The following TMEM273 variants were observed in gnomAD, a reference collection of about 807,000 sequenced individuals.
The protein encoded by TMEM273 is transmembrane protein 273.
TMEM273 carries 19 observed loss-of-function variants against 17.9 expected under a neutral mutation model. The observed-to-expected ratio is 1.06, with a 90% CI of 0.74 to 1.55. The LOEUF is 1.55. TMEM273 is among the 40% of genes most tolerant of loss of function. The probability of loss-of-function intolerance (pLI) is 0.00; values close to 1 mark genes in which losing one functional copy is unlikely to be tolerated. For synonymous variants in TMEM273, 66 were observed against 62.0 expected (o/e 1.07, Z -0.31); for missense variants, 194 against 155.6 (o/e 1.25, Z -1.31).
At position 49,165,786 on chromosome 10, in the gene TMEM273, C is replaced by T. The variant is rs202171289; in HGVS notation, c.249G>A (p.Pro83=). 5.8e-5 allele frequency: 94 copies of T among 1,614,102 alleles called. No individual in the cohort carries two copies. Among genetic ancestry groups the T allele is most frequent in the East Asian group, 1.8e-4 (8 of 44,870 alleles). The change falls in exon 4 of 7, where the codon CCG becomes CCA. Residue 83 remains proline, a synonymous_variant. Coordinates refer to ENST00000374153, the MANE Select transcript of TMEM273 (RefSeq NM_001288740.3). ...STPGGLSDTI[P]LKKRAPRKLQ... is the part of the protein sequence containing the mutation. Reference sequence around the variant, plus strand: ...CTTACCTTGGGGCTCTCTTCTTTAGCGGGATGGTGTCTAAACAGAGAAAGC... The same window carrying T: ...CTTACCTTGGGGCTCTCTTCTTTAGTGGGATGGTGTCTAAACAGAGAAAGC...
chr10:49,184,112 G>A (rs978068313), intron 1 of TMEM273, among the ~76,000 whole-genome samples: 6 of 152,138 alleles, frequency 3.9e-5, no homozygotes. Flanking sequence ...TCATTACACA[G>A]GTGATATTGC....
rs186470372 is a variant in TMEM273 at position 49,157,753 on chromosome 10, T to C, written c.373-1844A>G. Among the ~76,000 whole-genome samples, 214 of 152,340 alleles carry C rather than the reference T, an allele frequency of 1.4e-3. 1 individual carries two copies. The highest frequency in any genetic ancestry group is 4.6e-3 in the African/African-American group (193 of 41,572). On this transcript the variant is annotated intron_variant, in intron 6 of 6. Transcript: ENST00000374153. ...CATGTTACTTGATGGACACCACTAG[T>C]GGATTTCCCATCAAAGTCTGGCAGA...
chr10:49,165,511 G>A, intron 4 of TMEM273: 1 of 1,413,242 alleles, frequency 7.1e-7, no homozygotes. Context: ...GGGTGGAACA[G>A]GATCTAATCC....
Position 49,162,550 on chromosome 10 carries a change from C to T in TMEM273, c.349-928G>A, listed in dbSNP as rs185019561. Among the ~76,000 whole-genome samples, 4 of 152,306 alleles carry T rather than the reference C, an allele frequency of 2.6e-5. No homozygotes were observed. The East Asian group carries it at 5.8e-4, about 22-fold the overall frequency. On this transcript the variant is annotated intron_variant, in intron 5 of 6. Transcript: ENST00000374153. ...CCAGGAATTCAGATGGTCAAGGTAG[C>T]GTCCCTGTGCTGGGGGGAGCTCTAG...
At position 49,165,100 on chromosome 10, in the gene TMEM273, C is replaced by T. The variant is rs193182735; in HGVS notation, c.348+105G>A. 5.7e-4 allele frequency: 805 copies of T among 1,412,396 alleles called. 1 individual carries two copies. The highest frequency in any genetic ancestry group is 7.2e-4 in the Non-Finnish European group (774 of 1,078,612). 87.5% of individuals were successfully genotyped at this position (1,412,396 alleles called of 1,614,324 possible). On this transcript the variant is annotated intron_variant, in intron 5 of 6. Coordinates refer to ENST00000374153, the MANE Select transcript of TMEM273 (RefSeq NM_001288740.3). ...TAGAAAAAAACCCATGCAAAATAGACAAATCAATATATCGTATAGCATCAA... is the reference window on the plus strand; with the variant it reads ...TAGAAAAAAACCCATGCAAAATAGATAAATCAATATATCGTATAGCATCAA...
At chr10:49,177,613 T>C (rs554739841) in intron 1 of TMEM273, among the ~76,000 whole-genome samples, 55 of 152,308 alleles carry the variant, frequency 3.6e-4, no homozygotes, top group Middle Eastern at 3.4e-3. Flanking sequence ...AGTCACTGGC[T>C]CCGAGGAAGA....
chr10:49,155,877 C>G lies in TMEM273; in HGVS notation c.*15G>C. 1.2e-6 allele frequency: 2 copies of G among 1,614,222 alleles called. No homozygotes were observed. Among genetic ancestry groups the G allele is most frequent in the Non-Finnish European group, 8.5e-7 (1 of 1,180,044 alleles). On this transcript the variant is annotated 3_prime_UTR_variant, in exon 7 of 7. Coordinates refer to ENST00000374153, the MANE Select transcript of TMEM273 (RefSeq NM_001288740.3). Reference sequence around the variant, plus strand: ...GGGGCTAGAACCCCTCTTCACGTCACTGCTCACCTACAGCTCAATCACCTG... The same window carrying G: ...GGGGCTAGAACCCCTCTTCACGTCAGTGCTCACCTACAGCTCAATCACCTG...
At chr10:49,173,821 G>C (rs1042857741) in intron 1 of TMEM273, among the ~76,000 whole-genome samples, 10 of 152,184 alleles carry the variant, frequency 6.6e-5, no homozygotes, top group South Asian at 4.1e-4. Flanking sequence ...TGAGTGGTAC[G>C]GAGCTCAGGA....
rs149883330 is a variant in TMEM273 at position 49,178,964 on chromosome 10, G to A, written c.43+9330C>T. Among the ~76,000 whole-genome samples the A allele has an allele frequency of 7.4e-3, 1,122 of 152,264 alleles. 21 individuals are homozygous for A. In the South Asian group the frequency reaches 0.09, roughly 12 times the overall value. On this transcript the variant is annotated intron_variant, in intron 1 of 6. Coordinates refer to ENST00000374153, the MANE Select transcript of TMEM273 (RefSeq NM_001288740.3). ...TCCAGCTCCAGGTCCTTCACCTCTT[G>A]CCCTGAATAGTGACTTCTCGATAAC...
chr10:49,161,659 C>T (rs1422480171), intron 5 of TMEM273, 37 bp from the exon 6 acceptor site: 5 of 1,613,860 alleles, frequency 3.1e-6, no homozygotes, highest in Middle Eastern at 1.6e-4. Context: ...ATTGCCTAAG[C>T]CTTAGAAGCC....
At chr10:49,185,163 T>C (rs530761059) in intron 1 of TMEM273, among the ~76,000 whole-genome samples, 3 of 152,304 alleles carry the variant, frequency 2.0e-5, no homozygotes, top group African/African-American at 7.2e-5. Flanking sequence ...CCTTTAAATA[T>C]ATATCTAGAA....
intron 6 of TMEM273, chr10:49,161,224 A>G (rs115751765): frequency 0.017 from 4,444 of 254,420 alleles, 187 homozygotes; most frequent in African/African-American, 0.092. Flanking sequence ...TGATAGCATG[A>G]TGACATGAAG....
chr10:49,160,302 A>C (rs1356904942), intron 6 of TMEM273: 1 of 152,240 alleles, frequency 6.6e-6, no homozygotes, highest in Non-Finnish European at 1.5e-5. Flanking sequence ...AGCATCACCA[A>C]CAGTGATGCA....
At chr10:49,169,716 T>A (rs1254876642) in intron 1 of TMEM273, among the ~76,000 whole-genome samples, 1 of 152,224 alleles carries the variant, frequency 6.6e-6, no homozygotes, top group Non-Finnish European at 1.5e-5. Context: ...TCTTATTGTT[T>A]TTTTTAAGTC....
chr10:49,177,911 C>T (rs899723496), intron 1 of TMEM273, among the ~76,000 whole-genome samples: 1 of 152,200 alleles, frequency 6.6e-6, no homozygotes, highest in Non-Finnish European at 1.5e-5. Flanking sequence ...GCTCAGGCCA[C>T]ACACTGCTTG....
chr10:49,155,896 T>C lies in TMEM273; in HGVS notation c.386A>G (p.Asp129Gly). The change falls in exon 7 of 7, where the codon GAT becomes GGT. Residue 129 changes from aspartate (D) to glycine (G), a missense_variant. Transcript: ENST00000374153. ...PQFLQKRCTG[D>G] is the part of the protein sequence containing the mutation. ...ACGTCACTGCTCACCTACAGCTCAA[T>C]CACCTGTGCATCTCTGGAAAGGAAG... The C allele has an allele frequency of 6.2e-7, 1 of 1,614,178 alleles. No individual in the cohort carries two copies. The highest frequency in any genetic ancestry group is 8.5e-7 in the Non-Finnish European group (1 of 1,180,024).
chr10:49,161,870 G>A (rs997235039), intron 5 of TMEM273, among the ~76,000 whole-genome samples: 8 of 152,106 alleles, frequency 5.3e-5, no homozygotes, highest in African/African-American at 1.9e-4. Context: ...CTCCCTGCAC[G>A]TGGTGAGGGC....
chr10:49,168,651 T>C (rs2132166500), intron 1 of TMEM273, among the ~76,000 whole-genome samples: 1 of 129,754 alleles, frequency 7.7e-6, no homozygotes, highest in East Asian at 2.2e-4. Context: ...TAGACATTGG[T>C]GAATGGAAGG....
At chr10:49,185,978 CAAG>C (rs887706552) in intron 1 of TMEM273, among the ~76,000 whole-genome samples, 6 of 146,044 alleles carry the variant, frequency 4.1e-5, no homozygotes, top group East Asian at 4.1e-4. Context: ...AATTCCATCT[CAAG>C]AAGAAGAAGG....
Sources: allele counts gnomAD v4.1 joint callset (sites outside exome capture counted in the v4.1 genomes callset), GRCh38; gene constraint gnomAD v4.1.1; transcripts MANE v1.5; gene names NCBI Gene and HGNC (gene_info 2026-07-23, HGNC 2026-07-21).